The following NTNG1 variants were observed in gnomAD, a reference collection of about 807,000 sequenced individuals.
The protein encoded by NTNG1 is netrin-G1.
NTNG1 carries 16 observed loss-of-function variants against 54.0 expected under a neutral mutation model. The ratio of observed to expected loss-of-function variants is 0.30; its 90% CI spans 0.20 to 0.45. NTNG1 has a LOEUF of 0.45. NTNG1 is among the 20% of genes least tolerant of loss of function. The probability of loss-of-function intolerance (pLI) is 1.00; values close to 1 mark genes in which losing one functional copy is unlikely to be tolerated. For synonymous variants in NTNG1, 255 were observed against 263.1 expected (o/e 0.97, Z 0.30); for missense variants, 530 against 678.7 (o/e 0.78, Z 2.43).
At chr1:107,242,425 T>A (rs1661902921) in intron 2 of NTNG1, among the ~76,000 whole-genome samples, 1 of 152,206 alleles carries the variant, frequency 6.6e-6, no homozygotes, top group Non-Finnish European at 1.5e-5. Flanking sequence ...ACCGTCTAAC[T>A]CAAAGGCTTT....
rs1678914673 is a variant in NTNG1 at position 107,484,515 on chromosome 1, G to C, written c.*3675G>C. On this transcript the variant is annotated 3_prime_UTR_variant, in exon 8 of 8. Transcript: ENST00000370068. ...TGCACAAGATCCTGCAGACATTTGG[G>C]GTCGATCTGCCTGAGGTGCCCTTGA... Among the ~76,000 whole-genome samples, 1 of 152,158 alleles carries C rather than the reference G, an allele frequency of 6.6e-6. No homozygotes were observed. The highest frequency in any genetic ancestry group is 1.5e-5 in the Non-Finnish European group (1 of 68,046).
At chr1:107,373,367 A>T (rs1671041372) in intron 3 of NTNG1, among the ~76,000 whole-genome samples, 1 of 151,790 alleles carries the variant, frequency 6.6e-6, no homozygotes, top group Non-Finnish European at 1.5e-5. Flanking sequence ...TAGTACTTCC[A>T]TTTCTCCCCT....
chr1:107,387,639 A>T (rs1472798098), intron 3 of NTNG1, among the ~76,000 whole-genome samples: 3 of 152,204 alleles, frequency 2.0e-5, no homozygotes, highest in Non-Finnish European at 2.9e-5. Context: ...GCTTAGTTCT[A>T]ATCTCAGAGA....
chr1:107,142,951 T>C (rs879551351), intron 1 of NTNG1: 4 of 152,184 alleles, frequency 2.6e-5, no homozygotes, highest in Non-Finnish European at 4.4e-5. Flanking sequence ...AAGATTCTTT[T>C]TGAAGATAAG....
At chr1:107,456,033 A>G (rs1342674537) in intron 7 of NTNG1, among the ~76,000 whole-genome samples, 1 of 152,182 alleles carries the variant, frequency 6.6e-6, no homozygotes, top group Non-Finnish European at 1.5e-5. Context: ...GAAGGGATAG[A>G]ACGATTCCCC....
At chr1:107,388,917 G>A (rs1396091749) in intron 3 of NTNG1, among the ~76,000 whole-genome samples, 6 of 152,124 alleles carry the variant, frequency 3.9e-5, no homozygotes, top group Non-Finnish European at 7.3e-5. Context: ...ATATTTACAA[G>A]CTCCAATATT....
At chr1:107,311,821 A>G (rs1487988143) in intron 2 of NTNG1, among the ~76,000 whole-genome samples, 1 of 152,220 alleles carries the variant, frequency 6.6e-6, no homozygotes, top group Non-Finnish European at 1.5e-5. Flanking sequence ...TCACAATTTT[A>G]TATGATGAAT....
intron 4 of NTNG1, among the ~76,000 whole-genome samples, chr1:107,405,403 C>T (rs1362198545): frequency 6.6e-6 from 1 of 152,070 alleles, no homozygotes; most frequent in Non-Finnish European, 1.5e-5. Flanking sequence ...AAATGAGGAA[C>T]AGCCTGAATT....
intron 3 of NTNG1, among the ~76,000 whole-genome samples, chr1:107,350,326 G>A (rs993240015): frequency 6.6e-6 from 1 of 151,992 alleles, no homozygotes. Flanking sequence ...TTCATGGCTT[G>A]AATTTTCATT....
rs139271431 is a variant in NTNG1 at position 107,155,726 on chromosome 1, A to G, written c.246+6887A>G. Among the ~76,000 whole-genome samples the G allele has an allele frequency of 6.0e-3, 908 of 152,352 alleles. 7 individuals carry two copies. The highest frequency in any genetic ancestry group is 0.021 in the African/African-American group (859 of 41,592). On this transcript the variant is annotated intron_variant, in intron 2 of 7. Coordinates refer to ENST00000370068, the MANE Select transcript of NTNG1 (RefSeq NM_001113226.3). ...GTTTTTTATTCCTTGAACATACTCC[A>G]AGGCAGCAAATAAATGATAACATGG...
At chr1:107,280,157 C>CT (rs59501395) in intron 2 of NTNG1, among the ~76,000 whole-genome samples, 25,401 of 103,664 alleles carry the variant, frequency 0.25, 4,847 homozygotes, top group Non-Finnish European at 0.3. Flanking sequence ...CGGTGCTAAC[C>CT]TTTTTTTTTT....
At chr1:107,364,222 C>G (rs868778156) in intron 3 of NTNG1, among the ~76,000 whole-genome samples, 3 of 152,126 alleles carry the variant, frequency 2.0e-5, no homozygotes, top group Non-Finnish European at 4.4e-5. Context: ...AATATACTTA[C>G]TATTTTGTAT....
chr1:107,162,107 CT>C (rs10709463), intron 2 of NTNG1, among the ~76,000 whole-genome samples: 43,231 of 151,562 alleles, frequency 0.29, 6,330 homozygotes, highest in African/African-American at 0.32. Flanking sequence ...TAGGAAGTTT[CT>C]TTTTTTATTT....
chr1:107,369,853 G>A (rs886170955), intron 3 of NTNG1, among the ~76,000 whole-genome samples: 5 of 152,074 alleles, frequency 3.3e-5, no homozygotes, highest in East Asian at 3.9e-4. Context: ...TTGTAAAAAT[G>A]TACAGTTTTA....
At chr1:107,315,190 A>G (rs1032650320) in intron 2 of NTNG1, among the ~76,000 whole-genome samples, 10 of 152,160 alleles carry the variant, frequency 6.6e-5, no homozygotes, top group Admixed American at 1.3e-4. Context: ...TTAAGGAGGT[A>G]TATAAAGCTC....
chr1:107,331,089 G>A (rs1471275265), intron 3 of NTNG1, among the ~76,000 whole-genome samples: 1 of 152,004 alleles, frequency 6.6e-6, no homozygotes, highest in Non-Finnish European at 1.5e-5. Context: ...TTTTACAGAG[G>A]AGAAAACTGA....
At chr1:107,207,552 G>A (rs1008438252) in intron 2 of NTNG1, among the ~76,000 whole-genome samples, 3 of 152,184 alleles carry the variant, frequency 2.0e-5, no homozygotes, top group African/African-American at 7.2e-5. Context: ...GCTACAGAAA[G>A]TAAAGAGAAA....
chr1:107,301,530 T>C (rs952308950), intron 2 of NTNG1, among the ~76,000 whole-genome samples: 3 of 152,332 alleles, frequency 2.0e-5, no homozygotes, highest in Admixed American at 1.3e-4. Context: ...TTACATTTAT[T>C]TATATAAAAA....
intron 2 of NTNG1, among the ~76,000 whole-genome samples, chr1:107,262,606 ATAAATT>A (rs1375156941): frequency 6.6e-6 from 1 of 152,232 alleles, no homozygotes; most frequent in African/African-American, 2.4e-5. Flanking sequence ...TGGTGACATA[ATAAATT>A]GTAATGACTC....
Sources: allele counts gnomAD v4.1 joint callset (sites outside exome capture counted in the v4.1 genomes callset), GRCh38; gene constraint gnomAD v4.1.1; transcripts MANE v1.5; gene names NCBI Gene and HGNC (gene_info 2026-07-23, HGNC 2026-07-21).